LY75: variants seen among roughly 807,000 people sequenced by gnomAD.
LY75 encodes the protein lymphocyte antigen 75, also known as C-type lectin domain family 13 member B.
In LY75, 185 loss-of-function variants were observed where a neutral mutation model predicts 231.7. That is an observed-to-expected ratio of 0.80 (90% CI 0.71 to 0.90). The LOEUF is 0.90. LY75 is among the 40% of genes least tolerant of loss of function. The pLI is 0.00. For synonymous variants in LY75, 668 were observed against 689.0 expected (o/e 0.97, Z 0.48); for missense variants, 1,947 against 2,050.2 (o/e 0.95, Z 0.97).
chr2:159,841,897 T>C (rs973460699), intron 24 of LY75, among the ~76,000 whole-genome samples: 14 of 152,110 alleles, frequency 9.2e-5, no homozygotes, highest in Non-Finnish European at 1.9e-4. Flanking sequence ...ATTAATTTAA[T>C]TAATTATGGC....
chr2:159,847,135 C>A (rs1389645540), intron 23 of LY75, among the ~76,000 whole-genome samples: 2 of 152,118 alleles, frequency 1.3e-5, no homozygotes, highest in Non-Finnish European at 2.9e-5. Flanking sequence ...CCTCAGCCTC[C>A]TGAATAGCTG....
At chr2:159,890,416 C>T (rs757850521) in intron 3 of LY75, 39 bp from the exon 4 acceptor site, 8 of 1,607,906 alleles carry the variant, frequency 5.0e-6, no homozygotes, top group Admixed American at 1.7e-5. Context: ...AAAGTAAGGA[C>T]ATAATGTTTT....
intron 15 of LY75, among the ~76,000 whole-genome samples, chr2:159,860,541 G>A (rs1442111743): frequency 6.6e-6 from 1 of 152,146 alleles, no homozygotes; most frequent in East Asian, 1.9e-4. Context: ...AAATGGCCAT[G>A]GGACTCACTT....
chr2:159,852,178 T>A (rs775625228), intron 21 of LY75, 23 bp downstream of exon 21: 4 of 1,611,324 alleles, frequency 2.5e-6, no homozygotes, highest in Non-Finnish European at 3.4e-6. Flanking sequence ...CATTGTTGCA[T>A]AATGTAGCAA....
intron 2 of LY75, 107 bp downstream of exon 2, chr2:159,898,581 A>G (rs1685968760): frequency 6.7e-7 from 1 of 1,500,840 alleles, no homozygotes. Context: ...GAGCTTACTC[A>G]CTGCCCTTAC....
chr2:159,846,675 A>C (rs886240113), intron 23 of LY75, among the ~76,000 whole-genome samples: 4 of 152,228 alleles, frequency 2.6e-5, no homozygotes, highest in African/African-American at 4.8e-5. Flanking sequence ...CATATTAAAA[A>C]ATAGTCAAAA....
intron 28 of LY75, among the ~76,000 whole-genome samples, chr2:159,826,717 C>T (rs1236134871): frequency 6.6e-6 from 1 of 152,140 alleles, no homozygotes; most frequent in Admixed American, 6.5e-5. Flanking sequence ...TACTATGAGG[C>T]TACAGTAACC....
At chr2:159,848,794 G>C (rs1173829205) in intron 23 of LY75, among the ~76,000 whole-genome samples, 1 of 152,138 alleles carries the variant, frequency 6.6e-6, no homozygotes, top group Admixed American at 6.6e-5. Flanking sequence ...ATTTTGGCAA[G>C]TATTTGTGAT....
Position 159,890,350 on chromosome 2 carries a change from T to G in LY75, c.665A>C (p.Lys222Thr), listed in dbSNP as rs1258615797. Residue 222 changes from lysine (K) to threonine (T), a missense_variant, in exon 4 of 35, where the codon AAG becomes ACG. Coordinates refer to ENST00000263636, the MANE Select transcript of LY75 (RefSeq NM_002349.4). ...PENGCEDNWE[K>T]NEQFGSCYQF... ...GTAGCAACTTCCAAACTGCTCGTTCTTTTCCCAATTATCTTCACAACCGTT... is the reference window on the plus strand; with the variant it reads ...GTAGCAACTTCCAAACTGCTCGTTCGTTTCCCAATTATCTTCACAACCGTT... The G allele has an allele frequency of 6.2e-7, 1 of 1,613,062 alleles. No individual in the cohort carries two copies. Among genetic ancestry groups the G allele is most frequent in the East Asian group, 2.2e-5 (1 of 44,860 alleles).
At chr2:159,867,736 G>C (rs548305057) in intron 13 of LY75, among the ~76,000 whole-genome samples, 5 of 152,242 alleles carry the variant, frequency 3.3e-5, no homozygotes, top group African/African-American at 1.2e-4. Flanking sequence ...CACATCACAG[G>C]GGGTAGTGTA....
At chr2:159,886,378 A>G (rs1395504727) in intron 5 of LY75, 42 bp downstream of exon 5, 2 of 1,499,700 alleles carry the variant, frequency 1.3e-6, no homozygotes, top group African/African-American at 1.4e-5. Flanking sequence ...TGCTTTTTTG[A>G]AGATTTGTTC....
chr2:159,853,790 C>A, intron 18 of LY75, 93 bp from the exon 19 acceptor site: 1 of 1,527,482 alleles, frequency 6.5e-7, no homozygotes, highest in Non-Finnish European at 8.9e-7. Flanking sequence ...TCACTAACCA[C>A]TAAAATTTCC....
intron 19 of LY75, 28 bp from the exon 20 acceptor site, chr2:159,853,380 T>C: frequency 6.2e-7 from 1 of 1,609,358 alleles, no homozygotes; most frequent in Non-Finnish European, 8.5e-7. Flanking sequence ...ATTTGACAAC[T>C]CGTAATGTAA....
intron 28 of LY75, among the ~76,000 whole-genome samples, chr2:159,824,972 A>G (rs1277150239): frequency 6.6e-6 from 1 of 152,210 alleles, no homozygotes; most frequent in East Asian, 1.9e-4. Flanking sequence ...GTAGGGGGAA[A>G]TTTATAGCAC....
rs760516310 is a variant in LY75, at chr2:159,882,210, G to A, written c.1160C>T (p.Ala387Val). ...NESNSWDKAH[A>V]KCKAFSSDLI... is the part of the protein sequence containing the mutation. Reference sequence around the variant, plus strand: ...GTCACTACTGAAGGCTTTGCATTTCGCATGTGCCTTATCCCAGGAATTACT... The same window carrying A: ...GTCACTACTGAAGGCTTTGCATTTCACATGTGCCTTATCCCAGGAATTACT... The change falls in exon 7 of 35, where the codon GCG (alanine) becomes GTG (valine). Residue 387 changes from alanine to valine, a missense_variant. By Grantham distance (64) the Ala-to-Val change is moderately conservative (BLOSUM62 0). Transcript: ENST00000263636. 30 of 1,613,984 alleles carry A rather than the reference G, an allele frequency of 1.9e-5. No individual in the cohort carries two copies. Among genetic ancestry groups the A allele is most frequent in the Middle Eastern group, 1.7e-4 (1 of 6,058 alleles).
rs1340552231 is a variant in LY75, at chr2:159,904,715, TC to T, written c.-34del. ...TGGCGCAAGCCTTCCGGCCGGGTCC[TC>T]GGGCGCACGCGGCTCCCGCCCCGCC... On this transcript the variant is annotated 5_prime_UTR_variant, in exon 1 of 35. Transcript: ENST00000263636. 1 of 1,393,456 alleles carries T rather than the reference TC, an allele frequency of 7.2e-7. No homozygotes were observed. Among genetic ancestry groups the T allele is most frequent in the Non-Finnish European group, 9.2e-7 (1 of 1,081,356 alleles). 86.3% of individuals were successfully genotyped at this position (1,393,456 alleles called of 1,614,324 possible).
chr2:159,818,999 A>G (rs954791806), intron 29 of LY75, among the ~76,000 whole-genome samples: 4 of 152,202 alleles, frequency 2.6e-5, no homozygotes, highest in African/African-American at 9.6e-5. Flanking sequence ...ATAGAGACTA[A>G]GTTTCTAAAA....
At chr2:159,813,161 G>A (rs764577860) in intron 31 of LY75, among the ~76,000 whole-genome samples, 1 of 152,152 alleles carries the variant, frequency 6.6e-6, no homozygotes, top group Non-Finnish European at 1.5e-5. Context: ...GCTTTCAGTT[G>A]TTTTGAGTAT....
chr2:159,898,392 T>TCCTTTCCTCTAGGGTTA (rs370042369), intron 2 of LY75, among the ~76,000 whole-genome samples: 15 of 152,212 alleles, frequency 9.9e-5, no homozygotes, highest in Admixed American at 8.5e-4. Flanking sequence ...CTCTAGGGTT[T>TCCTTTCCTCTAGGGTTA]AGAAGACCAT....
Sources: allele counts gnomAD v4.1 joint callset (sites outside exome capture counted in the v4.1 genomes callset), GRCh38; gene constraint gnomAD v4.1.1; transcripts MANE v1.5; gene names NCBI Gene and HGNC (gene_info 2026-07-23, HGNC 2026-07-21).